The following TMC2 variants were observed in gnomAD, a reference collection of about 807,000 sequenced individuals.
TMC2 encodes transmembrane channel-like protein 2.
Under a neutral mutation model 105.9 loss-of-function variants are expected in TMC2, and 102 were observed. The observed-to-expected ratio is 0.96, with a 90% confidence interval of 0.82 to 1.14. The LOEUF (loss-of-function observed/expected upper bound fraction) is 1.14, where lower values mean the gene tolerates loss of function less well. TMC2 is among the 50% of genes most tolerant of loss of function. The pLI is 0.00. For missense variants in TMC2, 1,093 were observed against 1,134.3 expected (o/e 0.96, Z 0.52); for synonymous variants, 402 against 422.8 (o/e 0.95, Z 0.60).
chr20:2,549,155 G>A (rs1317560797), intron 2 of TMC2, among the ~76,000 whole-genome samples: 1 of 151,960 alleles, frequency 6.6e-6, no homozygotes, highest in Non-Finnish European at 1.5e-5. Flanking sequence ...CAGCTCACTT[G>A]GGTAATCCCA....
At chr20:2,626,027 C>T (rs2086562047) in intron 17 of TMC2, among the ~76,000 whole-genome samples, 1 of 152,050 alleles carries the variant, frequency 6.6e-6, no homozygotes, top group Non-Finnish European at 1.5e-5. Context: ...TTTATCATGG[C>T]ATGTAATTTT....
chr20:2,608,293 A>T (rs1427200833), intron 11 of TMC2, among the ~76,000 whole-genome samples: 2 of 127,600 alleles, frequency 1.6e-5, no homozygotes, highest in Non-Finnish European at 3.2e-5. Flanking sequence ...TTGTACCCTT[A>T]TTTTTATTTA....
chr20:2,591,075 T>C (rs961771215), intron 7 of TMC2, among the ~76,000 whole-genome samples: 1 of 145,616 alleles, frequency 6.9e-6, no homozygotes, highest in African/African-American at 2.6e-5. Context: ...ATAAATCTAA[T>C]CCATTTCTGA....
At chr20:2,579,414 T>G (rs1425270916) in intron 6 of TMC2, among the ~76,000 whole-genome samples, 187 bp downstream of exon 6, 1 of 146,786 alleles carries the variant, frequency 6.8e-6, no homozygotes, top group Admixed American at 6.7e-5. Context: ...ATTTATTTAT[T>G]TATTTATTTA....
intron 4 of TMC2, among the ~76,000 whole-genome samples, chr20:2,569,512 C>G (rs1270612839): frequency 6.6e-6 from 1 of 152,170 alleles, no homozygotes; most frequent in Non-Finnish European, 1.5e-5. Context: ...CAATTTTTTA[C>G]TTAATGGCCT....
intron 17 of TMC2, among the ~76,000 whole-genome samples, chr20:2,631,279 A>G (rs1198775642): frequency 1.3e-5 from 2 of 152,258 alleles, no homozygotes; most frequent in African/African-American, 2.4e-5. Flanking sequence ...TGCCAACTGA[A>G]TAAGACAGGA....
At chr20:2,575,523 TA>T (rs2086137992) in intron 5 of TMC2, among the ~76,000 whole-genome samples, 1 of 152,230 alleles carries the variant, frequency 6.6e-6, no homozygotes, top group Non-Finnish European at 1.5e-5. Flanking sequence ...ACTGCTTTTT[TA>T]TTGCAGTAAG....
In TMC2 at chr20:2,540,036, G is replaced by A. The variant is rs1469442428; in HGVS notation, c.82+2720G>A. Among the ~76,000 whole-genome samples, 6 of 140,692 alleles carry A rather than the reference G, an allele frequency of 4.3e-5. No homozygotes were observed. The South Asian group carries it at 6.8e-4, about 16-fold the overall frequency. 92.3% of individuals were successfully genotyped at this position (140,692 alleles called of 152,430 possible). ...GATGGAGTCTTGCTCTGTTGCCCAG[G>A]CTAGAGTACAGTGATGTGATCTCAG... is the stretch of plus-strand genomic sequence containing the variant. On this transcript the variant is annotated intron_variant, in intron 2 of 19. Transcript: ENST00000358864.
chr20:2,553,267 C>A lies in TMC2; in HGVS notation c.83-5189C>A, dbSNP rs187733074. On this transcript the variant is annotated intron_variant, in intron 2 of 19. Coordinates refer to ENST00000358864, the MANE Select transcript of TMC2 (RefSeq NM_080751.3). ...ATTCTTCATCAGGTTGAGGAATTAT[C>A]CCCTAGTTTGCTGAGAACTTTTTTA... is the stretch of plus-strand genomic sequence containing the variant. Among the ~76,000 whole-genome samples, 180 of 131,116 alleles carry A rather than the reference C, an allele frequency of 1.4e-3. 4 individuals carry two copies. In the East Asian group the frequency reaches 0.033, roughly 24 times the overall value. The allele number at this position is 131,116 out of a possible 152,430, so 86.0% of individuals were successfully genotyped here.
At chr20:2,570,869 C>T (rs1237839873) in intron 4 of TMC2, among the ~76,000 whole-genome samples, 1 of 151,980 alleles carries the variant, frequency 6.6e-6, no homozygotes, top group Non-Finnish European at 1.5e-5. Context: ...ATCTGATCTT[C>T]AATAAAATCA....
chr20:2,609,413 G>C (rs1415009587), intron 11 of TMC2, among the ~76,000 whole-genome samples: 1 of 152,162 alleles, frequency 6.6e-6, no homozygotes, highest in African/African-American at 2.4e-5. Context: ...CCTTCACTGG[G>C]TCACTAAGCT....
At chr20:2,591,333 T>C (rs2086266350) in intron 7 of TMC2, among the ~76,000 whole-genome samples, 1 of 152,196 alleles carries the variant, frequency 6.6e-6, no homozygotes, top group Admixed American at 6.5e-5. Flanking sequence ...TACATAGAAC[T>C]CAGAAATAAC....
At chr20:2,576,803 A>G (rs2086148275) in intron 5 of TMC2, among the ~76,000 whole-genome samples, 1 of 152,188 alleles carries the variant, frequency 6.6e-6, no homozygotes, top group Admixed American at 6.5e-5. Flanking sequence ...ACTGCCATAG[A>G]AACCAAAGTA....
At chr20:2,636,230 G>C (rs1214560296) in intron 18 of TMC2, among the ~76,000 whole-genome samples, 1 of 152,064 alleles carries the variant, frequency 6.6e-6, no homozygotes, top group African/African-American at 2.4e-5. Flanking sequence ...ATTTCAAGGG[G>C]TTACTAAAGA....
chr20:2,582,152 G>C (rs1402825054), intron 7 of TMC2, among the ~76,000 whole-genome samples: 1 of 152,230 alleles, frequency 6.6e-6, no homozygotes, highest in Non-Finnish European at 1.5e-5. Flanking sequence ...AGAGGAATCA[G>C]AGTGAAGTGC....
At chr20:2,555,598 C>T (rs2085980842) in intron 2 of TMC2, among the ~76,000 whole-genome samples, 1 of 152,098 alleles carries the variant, frequency 6.6e-6, no homozygotes. Context: ...CTGACAATCC[C>T]TTTCTTTAGT....
In TMC2 at chr20:2,613,332, C is replaced by T. The variant is rs1272583727; in HGVS notation, c.1872+10C>T. 7 of 1,613,964 alleles carry T rather than the reference C, an allele frequency of 4.3e-6. No homozygotes were observed. The highest frequency in any genetic ancestry group is 3.3e-5 in the Admixed American group (2 of 60,018). On this transcript the variant is annotated intron_variant, in intron 14 of 19. Transcript: ENST00000358864. ...CTTGGAGGCTGGATTTGTAGGTCACCACTTCATGGACATTCCGCACAAAGG... is the reference window on the plus strand; with the variant it reads ...CTTGGAGGCTGGATTTGTAGGTCACTACTTCATGGACATTCCGCACAAAGG...
chr20:2,614,759 G>A (rs1198480914), intron 14 of TMC2, among the ~76,000 whole-genome samples: 1 of 151,824 alleles, frequency 6.6e-6, no homozygotes, highest in Admixed American at 6.6e-5. Context: ...TTTAGTTTAT[G>A]ATAAAGGGAG....
chr20:2,612,620 A>G (rs1392530941), intron 13 of TMC2, among the ~76,000 whole-genome samples: 1 of 152,228 alleles, frequency 6.6e-6, no homozygotes, highest in East Asian at 1.9e-4. Context: ...ACAAATGCAG[A>G]GAAAGCTTTG....
Sources: allele counts gnomAD v4.1 joint callset (sites outside exome capture counted in the v4.1 genomes callset), GRCh38; gene constraint gnomAD v4.1.1; transcripts MANE v1.5; gene names NCBI Gene and HGNC (gene_info 2026-07-23, HGNC 2026-07-21).